Variants in EYA1 observed in about 807,000 individuals in gnomAD.
The protein encoded by EYA1 is EYA transcriptional coactivator and phosphatase 1.
In EYA1, 16 loss-of-function variants were observed where a neutral mutation model predicts 82.0. The ratio of observed to expected loss-of-function variants is 0.20; its 90% confidence interval spans 0.13 to 0.30. EYA1 has a LOEUF of 0.30. EYA1 is among the 10% of genes least tolerant of loss of function. The probability of loss-of-function intolerance (pLI) is 1.00; values close to 1 mark genes in which losing one functional copy is unlikely to be tolerated. For missense variants in EYA1, 633 were observed against 730.7 expected (o/e 0.87, Z 1.54); for synonymous variants, 261 against 264.4 (o/e 0.99, Z 0.12).
intron 2 of EYA1, among the ~76,000 whole-genome samples, chr8:71,499,215 G>A (rs1811640497): frequency 6.6e-6 from 1 of 152,186 alleles, no homozygotes; most frequent in Non-Finnish European, 1.5e-5. Flanking sequence ...CTCACTGCTA[G>A]AGTCAGACCC....
intron 2 of EYA1, chr8:71,449,104 G>T: frequency 6.0e-6 from 1 of 167,738 alleles, no homozygotes. Context: ...AACAGCATGA[G>T]CTATGGGTAA....
rs139324325 is a variant in EYA1 at position 71,353,255 on chromosome 8, C to T, written c.124+1527G>A. Among the ~76,000 whole-genome samples, 707 of 152,308 alleles carry T rather than the reference C, an allele frequency of 4.6e-3. 8 individuals carry two copies. The highest frequency in any genetic ancestry group is 0.016 in the African/African-American group (683 of 41,558). On this transcript the variant is annotated intron_variant, in intron 3 of 17. Coordinates refer to ENST00000340726, the MANE Select transcript of EYA1 (RefSeq NM_000503.6). ...CTGCGGCAGTCTGGGTGACTATATC[C>T]ACACCCAGTCTGTACTCTGCAGTAG...
chr8:71,538,830 A>G (rs1426337536), intron 1 of EYA1, among the ~76,000 whole-genome samples: 2 of 152,184 alleles, frequency 1.3e-5, no homozygotes, highest in Non-Finnish European at 2.9e-5. Flanking sequence ...TACCAGAGGC[A>G]GGTGCCTTGG....
At chr8:71,222,335 AAG>A (rs35165523) in intron 12 of EYA1, among the ~76,000 whole-genome samples, 64,792 of 151,978 alleles carry the variant, frequency 0.43, 15,197 homozygotes, top group African/African-American at 0.62. Flanking sequence ...GGGCCAGTGC[AAG>A]AGGCAAAGTT....
At chr8:71,497,752 T>C (rs186767755) in intron 2 of EYA1, among the ~76,000 whole-genome samples, 8 of 152,322 alleles carry the variant, frequency 5.3e-5, no homozygotes, top group Admixed American at 5.2e-4. Flanking sequence ...GTCAAAGAGA[T>C]AGCTGCATTT....
Position 71,216,990 on chromosome 8 carries a change from A to C in EYA1, c.1174T>G (p.Ser392Ala). The change falls in exon 13 of 18, where the codon TCA becomes GCA. Residue 392 changes from serine to alanine, a missense_variant. Coordinates refer to ENST00000340726, the MANE Select transcript of EYA1 (RefSeq NM_000503.6). ...CDQVHIDDVS[S>A]DDNGQDLSTY... is the part of the protein sequence containing the mutation. ...CTTAGGTCCTGTCCGTTATCATCTGAAGAAACATCATCTATATGGACTTGG... is the reference window on the plus strand; with the variant it reads ...CTTAGGTCCTGTCCGTTATCATCTGCAGAAACATCATCTATATGGACTTGG... 3 of 1,613,844 alleles carry C rather than the reference A, an allele frequency of 1.9e-6. No individual in the cohort carries two copies. The highest frequency in any genetic ancestry group is 2.5e-6 in the Non-Finnish European group (3 of 1,179,712).
chr8:71,227,398 C>G (rs1047021441), intron 12 of EYA1, among the ~76,000 whole-genome samples: 1 of 152,142 alleles, frequency 6.6e-6, no homozygotes, highest in Admixed American at 6.5e-5. Flanking sequence ...GTGACAGCAA[C>G]TCTAGGCTTG....
rs144371076 is a variant in EYA1 at position 71,262,611 on chromosome 8, G to A, written c.1050+7129C>T. Among the ~76,000 whole-genome samples the A allele has an allele frequency of 7.9e-3, 1,206 of 152,304 alleles. 7 individuals carry two copies. Among genetic ancestry groups the A allele is most frequent in the South Asian group, 0.033 (157 of 4,824 alleles). On this transcript the variant is annotated intron_variant, in intron 11 of 17. Transcript: ENST00000340726. The stretch of plus-strand genomic sequence containing the variant: ...GGCAGGCCAGTGCAGTGGTTAAGGA[G>A]CTGTGATGATTCCTGTTCATTCACT...
intron 11 of EYA1, among the ~76,000 whole-genome samples, chr8:71,253,706 C>A (rs1202386422): frequency 6.6e-6 from 1 of 152,140 alleles, no homozygotes; most frequent in Non-Finnish European, 1.5e-5. Flanking sequence ...AGTTCTCTCA[C>A]TTGAAACTAA....
rs113993220 is a variant in EYA1, at chr8:71,321,700, G to A, written c.418+34C>T. ...CATGTTAATACACGCATGCCCATGC[G>A]ATAACGCCACCACTACAGTTGCAGG... is the stretch of plus-strand genomic sequence containing the variant. On this transcript the variant is annotated intron_variant, in intron 6 of 17. Coordinates refer to ENST00000340726, the MANE Select transcript of EYA1 (RefSeq NM_000503.6). 1,494 of 1,610,976 alleles carry A rather than the reference G, an allele frequency of 9.3e-4. 20 individuals carry two copies. The African/African-American group carries it at 0.017, about 18-fold the overall frequency.
upstream of EYA1, chr8:71,362,155 C>CTTTTTTTTT (rs35320129): frequency 9.9e-4 from 811 of 822,850 alleles, no homozygotes; most frequent in South Asian, 1.4e-3. Context: ...TCGGGGCTTT[C>CTTTTTTTTT]TTTTTTTTTT....
chr8:71,321,613 A>C, intron 6 of EYA1, 121 bp downstream of exon 6: 1 of 1,252,742 alleles, frequency 8.0e-7, no homozygotes, highest in Non-Finnish European at 1.1e-6. Flanking sequence ...AAGAATTTAG[A>C]CACAGAAGGT....
At chr8:71,373,231 A>G (rs1828184691) in intron 2 of EYA1, among the ~76,000 whole-genome samples, 1 of 152,142 alleles carries the variant, frequency 6.6e-6, no homozygotes, top group Non-Finnish European at 1.5e-5. Context: ...TGCTATATGT[A>G]GAAAACCCCT....
intron 9 of EYA1, among the ~76,000 whole-genome samples, chr8:71,275,365 T>C (rs566415639): frequency 6.6e-6 from 1 of 152,186 alleles, no homozygotes; most frequent in African/African-American, 2.4e-5. Context: ...GGGAAGAGTA[T>C]AGGTGAGAAT....
chr8:71,368,910 C>T (rs192777731), intron 2 of EYA1, among the ~76,000 whole-genome samples: 21 of 151,728 alleles, frequency 1.4e-4, no homozygotes, highest in Admixed American at 5.3e-4. Flanking sequence ...TTCTTAAGGC[C>T]GGGCGCGGTG....
At chr8:71,331,597 A>C (rs781367104) in intron 4 of EYA1, among the ~76,000 whole-genome samples, 21 of 151,950 alleles carry the variant, frequency 1.4e-4, no homozygotes, top group Non-Finnish European at 8.8e-5. Flanking sequence ...AATCACTGTT[A>C]ATTTTTAGAC....
At chr8:71,269,604 A>C (rs1816270398) in intron 11 of EYA1, 136 bp downstream of exon 11, 3 of 576,994 alleles carry the variant, frequency 5.2e-6, no homozygotes, top group Non-Finnish European at 9.0e-6. Context: ...CCTTACATAT[A>C]TATATTTGAC....
intron 12 of EYA1, among the ~76,000 whole-genome samples, chr8:71,241,062 G>T (rs986994007): frequency 6.6e-6 from 1 of 152,138 alleles, no homozygotes; most frequent in Non-Finnish European, 1.5e-5. Flanking sequence ...CTTAGAAATA[G>T]GAAAGCCAGA....
chr8:71,200,398 C>T (rs185549789), intron 17 of EYA1, among the ~76,000 whole-genome samples: 233 of 152,144 alleles, frequency 1.5e-3, no homozygotes, highest in Non-Finnish European at 2.8e-3. Flanking sequence ...ACAGTGAAAG[C>T]CATGACTATT....
Sources: gnomAD v4.1 joint callset for allele counts (sites outside exome capture counted in the v4.1 genomes callset) on GRCh38, gnomAD v4.1.1 for gene constraint, MANE v1.5 for transcripts, NCBI Gene and HGNC (gene_info 2026-07-23, HGNC 2026-07-21) for gene names.